Variants in ANKFN1 observed in about 807,000 individuals in gnomAD.
ANKFN1 encodes the protein ankyrin repeat and fibronectin type III domain containing 1, also known as ankyrin repeat and fibronectin type-III domain-containing protein 1.
A neutral mutation model predicts 108.7 loss-of-function variants in ANKFN1; 74 were observed. The ratio of observed to expected loss-of-function variants is 0.68; its 90% CI spans 0.56 to 0.83. The LOEUF is 0.83. ANKFN1 is among the 40% of genes least tolerant of loss of function. ANKFN1 has a pLI of 0.00. For missense variants in ANKFN1, 1,505 were observed against 1,382.3 expected (o/e 1.09, Z -1.41); for synonymous variants, 547 against 516.2 (o/e 1.06, Z -0.81).
chr17:56,370,128 G>C (rs866113158), intron 6 of ANKFN1, among the ~76,000 whole-genome samples: 1 of 152,128 alleles, frequency 6.6e-6, no homozygotes, highest in South Asian at 2.1e-4. Context: ...TTACATTAGA[G>C]TTTAGATATC....
At chr17:56,480,126 G>A (rs9911436) in intron 16 of ANKFN1, among the ~76,000 whole-genome samples, 7,284 of 152,234 alleles carry the variant, frequency 0.048, 343 homozygotes, top group African/African-American at 0.13. Flanking sequence ...GCATCCCTTG[G>A]TTCCTTATAT....
At chr17:56,047,966 A>C (rs1178722636) in intron 4 of ANKFN1, among the ~76,000 whole-genome samples, 3 of 152,202 alleles carry the variant, frequency 2.0e-5, no homozygotes, top group Non-Finnish European at 4.4e-5. Flanking sequence ...CAGTGTTTTT[A>C]AAGGATCTTC....
chr17:56,380,247 A>G (rs893378238), intron 8 of ANKFN1, among the ~76,000 whole-genome samples: 11 of 152,208 alleles, frequency 7.2e-5, no homozygotes, highest in African/African-American at 2.2e-4. Flanking sequence ...TTTTCAGGAC[A>G]TTTAGTTGCG....
chr17:56,511,437 G>A lies in ANKFN1; in HGVS notation c.*168G>A. On this transcript the variant is annotated 3_prime_UTR_variant, in exon 21 of 21. Coordinates refer to ENST00000682825, the MANE Select transcript of ANKFN1 (RefSeq NM_001370326.1). ...CTCTTTTTTTGGAACAGAGTGGTGG[G>A]TGGAGGCCAGAGTTGCCAGTGCCAT... 1.3e-6 allele frequency: 1 copy of A among 781,518 alleles called. No homozygotes were observed. The highest frequency in any genetic ancestry group is 2.0e-6 in the Non-Finnish European group (1 of 508,914). The allele number at this position is 781,518 out of a possible 1,614,324, so 48.4% of individuals were successfully genotyped here.
intron 3 of ANKFN1, among the ~76,000 whole-genome samples, chr17:56,294,589 C>T (rs1017416060): frequency 3.3e-5 from 5 of 152,180 alleles, no homozygotes; most frequent in African/African-American, 1.2e-4. Context: ...AATGTGTAGC[C>T]TAGTGCAGCA....
intron 4 of ANKFN1, among the ~76,000 whole-genome samples, chr17:56,050,705 A>G (rs1904760053): frequency 6.6e-6 from 1 of 151,878 alleles, no homozygotes; most frequent in African/African-American, 2.4e-5. Context: ...ATAGTTGTAG[A>G]TATGCGGCGT....
chr17:56,494,997 T>C (rs145406156), intron 19 of ANKFN1, among the ~76,000 whole-genome samples: 115 of 152,286 alleles, frequency 7.6e-4, no homozygotes, highest in Non-Finnish European at 1.2e-3. Context: ...TCTTCTTTTA[T>C]GTCACACCAT....
chr17:56,106,844 A>G (rs1168109702), intron 4 of ANKFN1, among the ~76,000 whole-genome samples: 1 of 152,168 alleles, frequency 6.6e-6, no homozygotes, highest in Non-Finnish European at 1.5e-5. Context: ...ATGTTTCTGT[A>G]TAACAATGAT....
intron 4 of ANKFN1, among the ~76,000 whole-genome samples, chr17:56,050,609 A>G (rs1327298568): frequency 1.3e-5 from 2 of 151,032 alleles, no homozygotes; most frequent in South Asian, 2.1e-4. Context: ...CTTCCTACGT[A>G]TGGCTAGCCA....
chr17:56,130,167 G>A lies in ANKFN1; in HGVS notation c.288+83842G>A, dbSNP rs192022043. Among the ~76,000 whole-genome samples the A allele has an allele frequency of 1.9e-3, 288 of 152,304 alleles. 1 individual carries two copies. Among genetic ancestry groups the A allele is most frequent in the African/African-American group, 6.5e-3 (272 of 41,560 alleles). ...TAGGATGGTTGTTAAACCTCTCCCA[G>A]GCCTAATTAGAGCAGCAATGCTCGC... is the stretch of plus-strand genomic sequence containing the variant. On this transcript the variant is annotated intron_variant, in intron 4 of 12. Coordinates refer to the ANKFN1 transcript ENST00000635860.
intron 14 of ANKFN1, among the ~76,000 whole-genome samples, chr17:56,462,369 C>T (rs1019196525): frequency 2.0e-5 from 3 of 152,172 alleles, no homozygotes; most frequent in African/African-American, 7.2e-5. Context: ...CCAAGGCGGG[C>T]AGATCACCTG....
chr17:56,240,214 A>C (rs1245397725), intron 3 of ANKFN1, among the ~76,000 whole-genome samples: 1 of 152,106 alleles, frequency 6.6e-6, no homozygotes, highest in South Asian at 2.1e-4. Context: ...ACAATCCTGT[A>C]TGCTTATCCT....
intron 4 of ANKFN1, among the ~76,000 whole-genome samples, chr17:56,098,542 A>G (rs549022470): frequency 2.0e-5 from 3 of 152,236 alleles, no homozygotes; most frequent in South Asian, 2.1e-4. Context: ...TCATTTATGT[A>G]TTATCTATCT....
intron 8 of ANKFN1, among the ~76,000 whole-genome samples, chr17:56,431,087 A>C (rs1265836450): frequency 6.6e-6 from 1 of 152,242 alleles, no homozygotes; most frequent in Non-Finnish European, 1.5e-5. Context: ...AGACAGAAAC[A>C]AAACAAGTAA....
chr17:56,427,946 T>A (rs1347120773), intron 8 of ANKFN1, among the ~76,000 whole-genome samples: 1 of 152,118 alleles, frequency 6.6e-6, no homozygotes, highest in East Asian at 1.9e-4. Flanking sequence ...AAATGAAGTA[T>A]TTATGGCCAG....
intron 2 of ANKFN1, among the ~76,000 whole-genome samples, chr17:56,226,210 A>C (rs992466966): frequency 3.9e-5 from 6 of 152,126 alleles, no homozygotes; most frequent in Non-Finnish European, 8.8e-5. Flanking sequence ...CAAACTATAG[A>C]ATAATAACTA....
Position 56,122,852 on chromosome 17 carries a change from T to C in ANKFN1, c.288+76527T>C, listed in dbSNP as rs181233398. ...GGTGTGTAGTTTGGAGGTTACCTGT[T>C]GTTTTTTCAGGGATTATGAGGCACC... On this transcript the variant is annotated intron_variant, in intron 4 of 12. Coordinates refer to the ANKFN1 transcript ENST00000635860. Among the ~76,000 whole-genome samples, 33 of 152,316 alleles carry C rather than the reference T, an allele frequency of 2.2e-4. No homozygotes were observed. In the East Asian group the frequency reaches 6.2e-3, roughly 29 times the overall value.
intron 4 of ANKFN1, among the ~76,000 whole-genome samples, chr17:56,070,161 C>A (rs1053051353): frequency 2.6e-5 from 4 of 152,178 alleles, no homozygotes; most frequent in African/African-American, 9.7e-5. Context: ...TCTGGGAATG[C>A]AGCCCAGTAG....
intron 4 of ANKFN1, among the ~76,000 whole-genome samples, chr17:56,046,689 C>T (rs922345546): frequency 6.7e-6 from 1 of 149,898 alleles, no homozygotes; most frequent in Admixed American, 6.6e-5. Flanking sequence ...ATCTCTATTT[C>T]TTTGCTATCA....
Sources: allele counts gnomAD v4.1 joint callset (sites outside exome capture counted in the v4.1 genomes callset), GRCh38; gene constraint gnomAD v4.1.1; transcripts MANE v1.5; gene names NCBI Gene and HGNC (gene_info 2026-07-23, HGNC 2026-07-21).